RAD54B: variants seen among roughly 807,000 people sequenced by gnomAD.
RAD54B encodes DNA repair and recombination protein RAD54B.
In RAD54B, 78 loss-of-function variants were observed where a neutral mutation model predicts 95.8. The observed-to-expected ratio is 0.81, with a 90% CI of 0.68 to 0.98. The LOEUF is 0.98. Ranked by LOEUF, RAD54B falls within the 50% of genes least tolerant of loss-of-function variation. RAD54B has a pLI of 0.00. For missense variants in RAD54B, 957 were observed against 1,056.6 expected (o/e 0.91, Z 1.31); for synonymous variants, 328 against 354.9 (o/e 0.92, Z 0.85).
chr8:94,379,920 G>C lies in RAD54B; in HGVS notation c.2247+225C>G, dbSNP rs533411085. Among the ~76,000 whole-genome samples, 3 of 152,310 alleles carry C rather than the reference G, an allele frequency of 2.0e-5. No homozygotes were observed. In the East Asian group the frequency reaches 5.8e-4, roughly 29 times the overall value. ...TGCATCTTACAAGCTGTGGGATCTAGAACAAGCTTCTATATCTTCATCTGT... is the reference window on the plus strand; with the variant it reads ...TGCATCTTACAAGCTGTGGGATCTACAACAAGCTTCTATATCTTCATCTGT... On this transcript the variant is annotated intron_variant, in intron 12 of 14. Coordinates refer to ENST00000336148, the MANE Select transcript of RAD54B (RefSeq NM_012415.3).
At chr8:94,413,505 A>G (rs1445756825) in intron 3 of RAD54B, among the ~76,000 whole-genome samples, 1 of 152,236 alleles carries the variant, frequency 6.6e-6, no homozygotes, top group Non-Finnish European at 1.5e-5. Context: ...CATTTGGAAA[A>G]GATAAACATC....
intron 3 of RAD54B, among the ~76,000 whole-genome samples, chr8:94,451,296 T>A (rs1812651884): frequency 6.6e-6 from 1 of 152,186 alleles, no homozygotes; most frequent in Non-Finnish European, 1.5e-5. Flanking sequence ...TGGCCAAATC[T>A]GAGACAATCT....
intron 3 of RAD54B, among the ~76,000 whole-genome samples, chr8:94,452,224 C>T (rs79103033): frequency 0.013 from 1,976 of 152,340 alleles, 46 homozygotes; most frequent in African/African-American, 0.045. Flanking sequence ...AATACCATCA[C>T]ATTAGTGCTT....
chr8:94,435,277 TC>T (rs1812224715), intron 3 of RAD54B, among the ~76,000 whole-genome samples: 1 of 152,062 alleles, frequency 6.6e-6, no homozygotes, highest in Admixed American at 6.6e-5. Flanking sequence ...TGTCCTGGAT[TC>T]CCACTGGTGA....
At chr8:94,474,063 A>T (rs1384393997) in intron 1 of RAD54B, among the ~76,000 whole-genome samples, 1 of 152,230 alleles carries the variant, frequency 6.6e-6, no homozygotes, top group Non-Finnish European at 1.5e-5. Flanking sequence ...TGTCCTTTGC[A>T]GCAACATGGG....
chr8:94,433,042 C>T (rs1307117169), intron 3 of RAD54B, among the ~76,000 whole-genome samples: 1 of 152,106 alleles, frequency 6.6e-6, no homozygotes, highest in African/African-American at 2.4e-5. Context: ...GTCTTGTTAT[C>T]CCCATACCTT....
chr8:94,393,697 C>G, intron 9 of RAD54B, 46 bp downstream of exon 9: 1 of 1,477,548 alleles, frequency 6.8e-7, no homozygotes, highest in Non-Finnish European at 9.2e-7. Flanking sequence ...ATGATTTCCT[C>G]AGACATACGG....
chr8:94,391,394 A>G (rs1348095236), intron 10 of RAD54B, among the ~76,000 whole-genome samples: 1 of 150,552 alleles, frequency 6.6e-6, no homozygotes, highest in Non-Finnish European at 1.5e-5. Flanking sequence ...CCTCAAACTC[A>G]TCTCTTCCCT....
At chr8:94,393,577 C>G (rs28397775) in intron 9 of RAD54B, 166 bp downstream of exon 9, 19,295 of 568,558 alleles carry the variant, frequency 0.034, 404 homozygotes, top group Non-Finnish European at 0.042. Context: ...GAATTTTAGA[C>G]AAGTGATGTC....
At chr8:94,397,218 G>A (rs1449166790) in intron 8 of RAD54B, among the ~76,000 whole-genome samples, 1 of 152,072 alleles carries the variant, frequency 6.6e-6, no homozygotes, top group Non-Finnish European at 1.5e-5. Context: ...CACCTATCAT[G>A]TATATATCAC....
chr8:94,415,996 C>T (rs1252789500), intron 3 of RAD54B, among the ~76,000 whole-genome samples: 1 of 148,972 alleles, frequency 6.7e-6, no homozygotes, highest in African/African-American at 2.5e-5. Context: ...TACCATTTGA[C>T]CCAGCCATCC....
chr8:94,458,269 T>C lies in RAD54B; in HGVS notation c.303A>G (p.Thr101=). 1 of 1,594,938 alleles carries C rather than the reference T, an allele frequency of 6.3e-7. No individual in the cohort carries two copies. The highest frequency in any genetic ancestry group is 8.5e-7 in the Non-Finnish European group (1 of 1,174,018). Residue 101 remains threonine, a splice_region_variant and synonymous_variant, in exon 3 of 15, where the codon ACA becomes ACG. Transcript: ENST00000336148. ...PTLATLDPPH[T]VHSAPKEVAV... The stretch of plus-strand genomic sequence containing the variant: ...CTTATCAATAAAAAGCAGTCTTACC[T>C]GTATGAGGTGGATCTAATGTTGCCA...
At chr8:94,469,099 TG>T (rs1813102973) in intron 1 of RAD54B, among the ~76,000 whole-genome samples, 1 of 124,278 alleles carries the variant, frequency 8.0e-6, no homozygotes, top group African/African-American at 3.0e-5. Flanking sequence ...GCCCATCTCT[TG>T]TTTTTTTTTT....
At chr8:94,466,278 A>G (rs922215157) in intron 2 of RAD54B, among the ~76,000 whole-genome samples, 2 of 152,228 alleles carry the variant, frequency 1.3e-5, no homozygotes, top group Non-Finnish European at 2.9e-5. Context: ...TGAATTCTCC[A>G]TTTTATATGC....
At position 94,382,427 on chromosome 8, in the gene RAD54B, C is replaced by G. The variant is rs191858942; in HGVS notation, c.1986-2021G>C. On this transcript the variant is annotated intron_variant, in intron 11 of 14. Transcript: ENST00000336148. ...ACTATTTTGATCTAGAAGTTTATGA[C>G]AAGGGAAGTTGTCAGTCAAGTGCTA... Among the ~76,000 whole-genome samples the G allele has an allele frequency of 1.8e-4, 27 of 152,226 alleles. No individual in the cohort carries two copies. The East Asian group carries it at 4.8e-3, about 27-fold the overall frequency.
intron 2 of RAD54B, among the ~76,000 whole-genome samples, chr8:94,464,914 G>A (rs1812987980): frequency 6.6e-6 from 1 of 151,934 alleles, no homozygotes; most frequent in African/African-American, 2.4e-5. Flanking sequence ...GAGGGAGGGG[G>A]GAGATGCCGC....
In RAD54B at chr8:94,399,529, C is replaced by T; in HGVS notation, c.1263G>A (p.Lys421=). The change falls in exon 8 of 15, where the codon AAG becomes AAA. Residue 421 remains lysine, a synonymous_variant. Transcript: ENST00000336148. ...AGATTAGAAGATCAAATTTTATATTCTTAATTTGATCCAGGGAACGAAGTA... is the reference window on the plus strand; with the variant it reads ...AGATTAGAAGATCAAATTTTATATTTTTAATTTGATCCAGGGAACGAAGTA... ...EMLLRSLDQI[K]NIKFDLLICD... The T allele has an allele frequency of 6.2e-7, 1 of 1,612,920 alleles. No individual in the cohort carries two copies. The highest frequency in any genetic ancestry group is 8.5e-7 in the Non-Finnish European group (1 of 1,179,216).
intron 10 of RAD54B, among the ~76,000 whole-genome samples, chr8:94,390,597 TAA>T (rs1323212605): frequency 6.6e-4 from 98 of 148,120 alleles, no homozygotes; most frequent in Non-Finnish European, 4.5e-5. Context: ...ATTTTATATA[TAA>T]TATATATACA....
At chr8:94,468,014 A>T (rs1813072084) in intron 1 of RAD54B, 1 of 152,944 alleles carries the variant, frequency 6.5e-6, no homozygotes, top group Admixed American at 6.5e-5. Context: ...GGCCTGGAGG[A>T]AGTCATACCC....
Sources: allele counts gnomAD v4.1 joint callset (sites outside exome capture counted in the v4.1 genomes callset), GRCh38; gene constraint gnomAD v4.1.1; transcripts MANE v1.5; gene names NCBI Gene and HGNC (gene_info 2026-07-23, HGNC 2026-07-21).